Variants in NISCH observed in about 807,000 individuals in gnomAD.
NISCH encodes nischarin.
Under a neutral mutation model 138.4 loss-of-function variants are expected in NISCH, and 55 were observed. That is an observed-to-expected ratio of 0.40 (90% CI 0.32 to 0.50). The LOEUF (loss-of-function observed/expected upper bound fraction) is 0.50, where lower values mean the gene tolerates loss of function less well. Ranked by LOEUF, NISCH falls within the 20% of genes least tolerant of loss-of-function variation. The probability of loss-of-function intolerance (pLI) is 0.71; values close to 1 mark genes in which losing one functional copy is unlikely to be tolerated. For synonymous variants in NISCH, 860 were observed against 861.5 expected, an observed-to-expected ratio of 1.00 and a Z score of 0.03; for missense variants, 1,643 against 2,005.5, an observed-to-expected ratio of 0.82 and a Z score of 3.45.
At position 52,487,070 on chromosome 3, in the gene NISCH, G is replaced by A. The variant is rs1707418537; in HGVS notation, c.1704-126G>A. 2 of 1,078,026 alleles carry A rather than the reference G, an allele frequency of 1.9e-6. No individual in the cohort carries two copies. Among genetic ancestry groups the A allele is most frequent in the Non-Finnish European group, 2.6e-6 (2 of 757,926 alleles). The allele number at this position is 1,078,026 out of a possible 1,614,324, so 66.8% of individuals were successfully genotyped here. A position where few individuals can be genotyped will look rare whatever the true frequency, so the allele number is the denominator to read the frequency against. Reference sequence around the variant, plus strand: ...CCTGGGAACTGACTTGGCCATGTGGGAGGCTTGGGAGACCCATGGGTTGGT... The same window carrying A: ...CCTGGGAACTGACTTGGCCATGTGGAAGGCTTGGGAGACCCATGGGTTGGT... On this transcript the variant is annotated intron_variant, in intron 15 of 20. Transcript: ENST00000345716. The surrounding 1 kb of genome is among the most constrained non-coding windows in gnomAD (Gnocchi z 9.1).
chr3:52,460,281 C>CA (rs1206495658), intron 3 of NISCH, among the ~76,000 whole-genome samples: 1 of 145,566 alleles, frequency 6.9e-6, no homozygotes, highest in East Asian at 2.0e-4. Flanking sequence ...GAAAATAAAA[C>CA]AAAAAAGAAA....
Position 52,487,826 on chromosome 3 carries a change from G to T in NISCH, c.2334G>T (p.Leu778=). 6.2e-7 allele frequency: 1 copy of T among 1,613,200 alleles called. No individual in the cohort carries two copies. The highest frequency in any genetic ancestry group is 1.3e-5 in the African/African-American group (1 of 74,772). Residue 778 remains leucine, a synonymous_variant, in exon 16 of 21, where the codon CTG becomes CTT. Transcript: ENST00000345716. The surrounding 1 kb of genome is among the most constrained non-coding windows in gnomAD (Gnocchi z 9.1). The part of the protein sequence containing the change: ...LTEFGFLMPE[L]CLVLKVRHSE... The stretch of plus-strand genomic sequence containing the variant: ...AGTTTGGCTTCCTCATGCCGGAGCT[G>T]TGTCTGGTGCTCAAGGTACGGCACA...
intron 13 of NISCH, chr3:52,480,697 C>T (rs1707247370): frequency 4.2e-6 from 6 of 1,419,730 alleles, no homozygotes; most frequent in Non-Finnish European, 5.5e-6. Context: ...AGCCCGAATC[C>T]CTGTGCAGGG....
intron 12 of NISCH, 145 bp downstream of exon 12, chr3:52,480,007 C>T (rs541417118): frequency 2.3e-5 from 22 of 951,792 alleles, no homozygotes; most frequent in Middle Eastern, 3.2e-4. Context: ...GGGCAAGTCG[C>T]GGCCTCTCTG....
chr3:52,468,465 T>G (rs1222165588), intron 3 of NISCH, among the ~76,000 whole-genome samples: 1 of 152,194 alleles, frequency 6.6e-6, no homozygotes, highest in Non-Finnish European at 1.5e-5. Flanking sequence ...AGTACAGATC[T>G]GTAGACGGGG....
intron 3 of NISCH, among the ~76,000 whole-genome samples, chr3:52,463,969 C>T (rs916986287): frequency 6.6e-6 from 1 of 151,134 alleles, no homozygotes; most frequent in Non-Finnish European, 1.5e-5. Flanking sequence ...TCAAGTGATT[C>T]GCCCACCTTG....
intron 3 of NISCH, among the ~76,000 whole-genome samples, chr3:52,467,626 C>A (rs1034723849): frequency 6.6e-6 from 1 of 152,226 alleles, no homozygotes; most frequent in Non-Finnish European, 1.5e-5. Flanking sequence ...TACTTCTGTG[C>A]CCTAAAGAGC....
chr3:52,467,939 T>G (rs542018504), intron 3 of NISCH, among the ~76,000 whole-genome samples: 3 of 152,308 alleles, frequency 2.0e-5, no homozygotes, highest in African/African-American at 7.2e-5. Context: ...TCTGTGTTCT[T>G]TCTGAGCTGA....
intron 3 of NISCH, among the ~76,000 whole-genome samples, chr3:52,461,940 C>T (rs1044901289): frequency 2.6e-5 from 4 of 151,890 alleles, no homozygotes; most frequent in African/African-American, 9.7e-5. Context: ...GACATGCAGT[C>T]CTTTGACGGT....
intron 3 of NISCH, among the ~76,000 whole-genome samples, chr3:52,469,475 A>C (rs1706878843): frequency 6.6e-6 from 1 of 152,170 alleles, no homozygotes; most frequent in South Asian, 2.1e-4. Flanking sequence ...CTCAAGATAG[A>C]AGCTTCCGTT....
chr3:52,474,615 A>G (rs1707049081), intron 7 of NISCH, among the ~76,000 whole-genome samples: 1 of 151,884 alleles, frequency 6.6e-6, no homozygotes, highest in East Asian at 1.9e-4. Context: ...TATTTTTAGT[A>G]GAGACAGGGT....
chr3:52,456,701 C>A (rs1706481927), intron 1 of NISCH, among the ~76,000 whole-genome samples: 1 of 152,172 alleles, frequency 6.6e-6, no homozygotes, highest in East Asian at 1.9e-4. Context: ...TTCCTGAAGG[C>A]AAGGGGAAGG....
At chr3:52,476,799 C>T (rs546464037) in intron 8 of NISCH, among the ~76,000 whole-genome samples, 200 bp downstream of exon 8, 31 of 152,066 alleles carry the variant, frequency 2.0e-4, no homozygotes, top group Middle Eastern at 3.4e-3. Context: ...TTTGGGAGGC[C>T]GAGGCGGGAG....
chr3:52,491,516 AC>A lies in NISCH; in HGVS notation c.3904+7del. On this transcript the variant is annotated splice_donor_region_variant and intron_variant, in intron 20 of 20. Transcript: ENST00000345716. ...CGAGTTTGGGAACAAGACCACAGGT[AC>A]CCCTGTCTAGCTCAGGCTGCAGACA... is the stretch of plus-strand genomic sequence containing the variant. 2 of 1,609,682 alleles carry A rather than the reference AC, an allele frequency of 1.2e-6. No individual in the cohort carries two copies. Among genetic ancestry groups the A allele is most frequent in the Non-Finnish European group, 1.7e-6 (2 of 1,177,818 alleles).
At chr3:52,474,547 CGGCCTCCCAAAGTGCT>C (rs1333051517) in intron 7 of NISCH, among the ~76,000 whole-genome samples, 4 of 152,160 alleles carry the variant, frequency 2.6e-5, no homozygotes, top group African/African-American at 9.7e-5. Context: ...CCACCCGCCT[CGGCCTCCCAAAGTGCT>C]GGGATTACAG....
At position 52,455,753 on chromosome 3, in the gene NISCH, C is replaced by T. The variant is rs1706445988; in HGVS notation, c.93+19C>T. The T allele has an allele frequency of 7.5e-7, 1 of 1,339,620 alleles. No homozygotes were observed. Among genetic ancestry groups the T allele is most frequent in the South Asian group, 2.4e-5 (1 of 41,814 alleles). 83.0% of individuals were successfully genotyped at this position (1,339,620 alleles called of 1,614,324 possible). A position where few individuals can be genotyped will look rare whatever the true frequency, so the allele number is the denominator to read the frequency against. Reference sequence around the variant, plus strand: ...TTATACGGTGTGTTGGGGGCGCGGGCACCCGAAGCGGGGGTGGTGGCTGGA... The same window carrying T: ...TTATACGGTGTGTTGGGGGCGCGGGTACCCGAAGCGGGGGTGGTGGCTGGA... On this transcript the variant is annotated intron_variant, in intron 1 of 20. Coordinates refer to ENST00000345716, the MANE Select transcript of NISCH (RefSeq NM_007184.4).
At chr3:52,483,633 G>A (rs2153231576) in intron 13 of NISCH, among the ~76,000 whole-genome samples, 1 of 152,376 alleles carries the variant, frequency 6.6e-6, no homozygotes. Flanking sequence ...CACGTCCTGT[G>A]GTAAGTGGGA....
chr3:52,461,586 G>A (rs1317511254), intron 3 of NISCH, among the ~76,000 whole-genome samples: 3 of 151,988 alleles, frequency 2.0e-5, no homozygotes, highest in South Asian at 2.1e-4. Flanking sequence ...TTTAAAGGCC[G>A]GGCGCAGTGG....
chr3:52,463,868 C>A (rs370169879), intron 3 of NISCH, among the ~76,000 whole-genome samples: 1 of 151,300 alleles, frequency 6.6e-6, no homozygotes, highest in Non-Finnish European at 1.5e-5. Flanking sequence ...GGACTACAGG[C>A]GTGCACCACC....
Sources: allele counts gnomAD v4.1 joint callset (sites outside exome capture counted in the v4.1 genomes callset), GRCh38; gene constraint gnomAD v4.1.1; non-coding constraint Gnocchi (gnomAD v3.1); transcripts MANE v1.5; gene names NCBI Gene and HGNC (gene_info 2026-07-23, HGNC 2026-07-21).